TTC39B: variants seen among roughly 807,000 people sequenced by gnomAD.
The protein encoded by TTC39B is tetratricopeptide repeat protein 39B.
A neutral mutation model predicts 96.6 loss-of-function variants in TTC39B; 92 were observed. The observed-to-expected ratio is 0.95, with a 90% CI of 0.80 to 1.13. TTC39B has a LOEUF of 1.13. Ranked by LOEUF, TTC39B falls within the 50% of genes most tolerant of loss-of-function variation. The probability of loss-of-function intolerance (pLI) is 0.00; values close to 1 mark genes in which losing one functional copy is unlikely to be tolerated. For missense variants in TTC39B, 955 were observed against 809.3 expected, an observed-to-expected ratio of 1.18 and a Z score of -2.18; for synonymous variants, 367 against 299.4, an observed-to-expected ratio of 1.23 and a Z score of -2.33.
intron 2 of TTC39B, among the ~76,000 whole-genome samples, chr9:15,260,011 G>T (rs192021602): frequency 6.6e-6 from 1 of 152,222 alleles, no homozygotes; most frequent in East Asian, 1.9e-4. Context: ...AAGTTAGATT[G>T]TGGTGATGGC....
intron 2 of TTC39B, among the ~76,000 whole-genome samples, chr9:15,239,160 A>C (rs975193759): frequency 6.6e-6 from 1 of 152,232 alleles, no homozygotes; most frequent in Admixed American, 6.5e-5. Context: ...ACATGAAAAA[A>C]AAAATGCTCA....
intron 2 of TTC39B, among the ~76,000 whole-genome samples, chr9:15,243,455 G>C (rs1388390372): frequency 6.6e-6 from 1 of 152,192 alleles, no homozygotes; most frequent in African/African-American, 2.4e-5. Context: ...AAGGGGCAGA[G>C]CAAGATGGCA....
intron 6 of TTC39B, among the ~76,000 whole-genome samples, chr9:15,208,150 G>C (rs561575758): frequency 1.1e-3 from 174 of 151,460 alleles, no homozygotes; most frequent in African/African-American, 3.7e-3. Flanking sequence ...TCAGCCTCCT[G>C]AGAAGCTGGG....
chr9:15,234,069 C>T (rs1475067113), intron 2 of TTC39B, among the ~76,000 whole-genome samples: 19 of 146,934 alleles, frequency 1.3e-4, no homozygotes, highest in East Asian at 8.0e-4. Context: ...GTGAGGAGCG[C>T]CTCTGCCCGG....
chr9:15,215,649 G>GGA (rs1452447468), intron 3 of TTC39B, among the ~76,000 whole-genome samples: 1 of 151,662 alleles, frequency 6.6e-6, no homozygotes, highest in African/African-American at 2.4e-5. Context: ...TTTGAGGTCA[G>GGA]GAGTTTGAGA....
exon 20 of TTC39B, chr9:15,169,621 G>A (rs1019272381): frequency 1.3e-5 from 2 of 152,136 alleles, no homozygotes; most frequent in African/African-American, 4.8e-5. Flanking sequence ...TGCCCAAGAA[G>A]TTGGTGCCAC....
intron 2 of TTC39B, among the ~76,000 whole-genome samples, chr9:15,226,216 T>G (rs565290952): frequency 6.6e-6 from 1 of 152,350 alleles, no homozygotes; most frequent in East Asian, 1.9e-4. Flanking sequence ...ACTTTATTTT[T>G]TCATTCTAGT....
intron 3 of TTC39B, among the ~76,000 whole-genome samples, chr9:15,219,929 G>A (rs1388017550): frequency 2.0e-5 from 3 of 152,122 alleles, no homozygotes; most frequent in Non-Finnish European, 4.4e-5. Flanking sequence ...TCAAAAAGAA[G>A]CCCATTTTTC....
At chr9:15,209,346 C>G (rs1244907444) in intron 6 of TTC39B, among the ~76,000 whole-genome samples, 1 of 152,130 alleles carries the variant, frequency 6.6e-6, no homozygotes, top group African/African-American at 2.4e-5. Context: ...GGTGCCGCAG[C>G]CAGCCATTCC....
At chr9:15,279,519 G>C (rs1172676945) in intron 1 of TTC39B, among the ~76,000 whole-genome samples, 1 of 152,180 alleles carries the variant, frequency 6.6e-6, no homozygotes, top group East Asian at 1.9e-4. Flanking sequence ...CTGTGACCTT[G>C]AGCAAGCTAT....
chr9:15,243,373 A>G (rs891728773), intron 2 of TTC39B, among the ~76,000 whole-genome samples: 20 of 152,220 alleles, frequency 1.3e-4, no homozygotes, highest in Non-Finnish European at 2.4e-4. Flanking sequence ...TCCAGAGTAA[A>G]GGAGAACAGT....
At chr9:15,272,206 A>G (rs1169858545) in intron 1 of TTC39B, among the ~76,000 whole-genome samples, 1 of 152,134 alleles carries the variant, frequency 6.6e-6, no homozygotes, top group Admixed American at 6.5e-5. Context: ...ACTGACAGCT[A>G]TTCCACAGTC....
rs141476861 is a variant in TTC39B, at chr9:15,187,867, G to A, written c.1395+104C>T. 4.1e-6 allele frequency: 5 copies of A among 1,227,722 alleles called. No individual in the cohort carries two copies. In the East Asian group the frequency reaches 1.3e-4, roughly 32 times the overall value. The allele number at this position is 1,227,722 out of a possible 1,614,324, so 76.1% of individuals were successfully genotyped here. Reference sequence around the variant, plus strand: ...CTCCTTTTGTGGATCTCTAAGTTGAGAAAACACTGTGGTATCATACTACTG... The same window carrying A: ...CTCCTTTTGTGGATCTCTAAGTTGAAAAAACACTGTGGTATCATACTACTG... On this transcript the variant is annotated intron_variant, in intron 14 of 19. Coordinates refer to ENST00000512701, the Ensembl canonical transcript of TTC39B.
intron 2 of TTC39B, among the ~76,000 whole-genome samples, chr9:15,235,858 G>C (rs1564375744): frequency 6.6e-6 from 1 of 152,130 alleles, no homozygotes; most frequent in Non-Finnish European, 1.5e-5. Flanking sequence ...CATCATAAAA[G>C]AACACGTAAG....
At chr9:15,280,128 C>T (rs1823703844) in intron 1 of TTC39B, among the ~76,000 whole-genome samples, 1 of 152,088 alleles carries the variant, frequency 6.6e-6, no homozygotes, top group African/African-American at 2.4e-5. Flanking sequence ...GAACTCCTGG[C>T]CTCAAGTAAT....
At chr9:15,252,747 A>G (rs1299955387) in intron 2 of TTC39B, among the ~76,000 whole-genome samples, 1 of 152,242 alleles carries the variant, frequency 6.6e-6, no homozygotes, top group African/African-American at 2.4e-5. Context: ...AACTGTAACA[A>G]ATGTACGATA....
At chr9:15,284,859 T>A (rs1418320594) in intron 1 of TTC39B, among the ~76,000 whole-genome samples, 1 of 152,184 alleles carries the variant, frequency 6.6e-6, no homozygotes, top group African/African-American at 2.4e-5. Context: ...ATTTAAATAA[T>A]ATTAAAAAGG....
chr9:15,228,285 G>A (rs1162838622), intron 2 of TTC39B, among the ~76,000 whole-genome samples: 1 of 152,150 alleles, frequency 6.6e-6, no homozygotes, highest in African/African-American at 2.4e-5. Context: ...CCAGCATGGT[G>A]AAACCCCGTC....
chr9:15,192,947 A>G (rs1343063265), intron 8 of TTC39B, among the ~76,000 whole-genome samples: 1 of 152,202 alleles, frequency 6.6e-6, no homozygotes, highest in Non-Finnish European at 1.5e-5. Flanking sequence ...GGGTTCATCC[A>G]TTGGCAAGCA....
Sources: gnomAD v4.1 joint callset for allele counts (sites outside exome capture counted in the v4.1 genomes callset) on GRCh38, gnomAD v4.1.1 for gene constraint, MANE v1.5 for transcripts, NCBI Gene and HGNC (gene_info 2026-07-23, HGNC 2026-07-21) for gene names.